The following LRRC37A2 variants were observed in gnomAD, a reference collection of about 807,000 sequenced individuals.
LRRC37A2 encodes leucine-rich repeat-containing protein 37A2.
A neutral mutation model predicts 68.8 loss-of-function variants in LRRC37A2; 9 were observed. That is an observed-to-expected ratio of 0.13 (90% CI 0.08 to 0.23). LRRC37A2 has a LOEUF of 0.23. Ranked by LOEUF, LRRC37A2 falls within the 10% of genes least tolerant of loss-of-function variation. The probability of loss-of-function intolerance (pLI) is 1.00; values close to 1 mark genes in which losing one functional copy is unlikely to be tolerated. For missense variants in LRRC37A2, 168 were observed against 950.4 expected (o/e 0.18, Z 10.82); for synonymous variants, 63 against 367.6 (o/e 0.17, Z 9.48).
At chr17:46,890,757 G>A in the LRRC37A2 span, among the ~76,000 whole-genome samples, 1 of 152,174 alleles carries the variant, frequency 6.6e-6, no homozygotes, top group African/African-American at 2.4e-5. Context: ...ACCAGCCATG[G>A]GGTCCCTCAG....
At chr17:46,740,523 G>A in the LRRC37A2 span, among the ~76,000 whole-genome samples, 2 of 152,128 alleles carry the variant, frequency 1.3e-5, no homozygotes, top group Non-Finnish European at 2.9e-5. Flanking sequence ...ATCTACTGTG[G>A]ATATAAGAGT....
the LRRC37A2 span, among the ~76,000 whole-genome samples, chr17:47,027,042 C>T: frequency 1.2e-4 from 18 of 152,282 alleles, no homozygotes; most frequent in South Asian, 2.1e-3. Context: ...TCCTGAGCGG[C>T]TAGGACTACA....
chr17:46,735,911 C>T, the LRRC37A2 span, among the ~76,000 whole-genome samples: 22 of 152,156 alleles, frequency 1.4e-4, no homozygotes, highest in Admixed American at 4.6e-4. Context: ...TACCACTGCA[C>T]TCCATCCTGG....
chr17:46,493,480 T>C, the LRRC37A2 span, among the ~76,000 whole-genome samples: 2 of 126,612 alleles, frequency 1.6e-5, no homozygotes, highest in Non-Finnish European at 3.3e-5. Flanking sequence ...AAAATCTTTA[T>C]TTAAGATGTT....
chr17:47,028,193 A>T, the LRRC37A2 span: 1 of 904,024 alleles, frequency 1.1e-6, no homozygotes, highest in Non-Finnish European at 1.8e-6. Flanking sequence ...GTTATGTTCC[A>T]TCCTGTATAA....
chr17:46,755,286 C>T, the LRRC37A2 span: 1 of 1,582,136 alleles, frequency 6.3e-7, no homozygotes, highest in Non-Finnish European at 8.7e-7. Flanking sequence ...TACCATTAAC[C>T]CATCTTCATT....
chr17:46,866,566 C>T, the LRRC37A2 span, among the ~76,000 whole-genome samples: 1 of 151,998 alleles, frequency 6.6e-6, no homozygotes, highest in Non-Finnish European at 1.5e-5. Context: ...ACTCACCATG[C>T]AAATGGCCTT....
At chr17:46,725,945 G>T in the LRRC37A2 span, among the ~76,000 whole-genome samples, 1 of 152,138 alleles carries the variant, frequency 6.6e-6, no homozygotes. Flanking sequence ...TCCTTGCCAG[G>T]CTAAAACCGT....
At chr17:46,905,397 C>T in the LRRC37A2 span, among the ~76,000 whole-genome samples, 1 of 152,162 alleles carries the variant, frequency 6.6e-6, no homozygotes, top group African/African-American at 2.4e-5. Context: ...CTTAGACAGC[C>T]TGTGTCACAG....
the LRRC37A2 span, among the ~76,000 whole-genome samples, chr17:46,934,076 G>C: frequency 6.6e-6 from 1 of 152,200 alleles, no homozygotes; most frequent in African/African-American, 2.4e-5. Flanking sequence ...CAGAGCAAAA[G>C]TAGAGCCACC....
chr17:46,486,806 ATGTT>A, the LRRC37A2 span, among the ~76,000 whole-genome samples: 1 of 48,818 alleles, frequency 2.0e-5, no homozygotes, highest in African/African-American at 8.2e-5. Context: ...CTTTGGAGAA[ATGTT>A]TGTTTAAGTT....
At chr17:46,941,098 T>A in the LRRC37A2 span, 11 of 1,033,034 alleles carry the variant, frequency 1.1e-5, no homozygotes, top group South Asian at 4.1e-4. Context: ...GTGTGCCTAT[T>A]GTGATTTAAA....
chr17:46,995,482 C>A, the LRRC37A2 span, among the ~76,000 whole-genome samples: 1 of 150,700 alleles, frequency 6.6e-6, no homozygotes, highest in African/African-American at 2.4e-5. Flanking sequence ...TCAGTTCTGG[C>A]CAAAAAAGTG....
chr17:46,862,783 C>T, the LRRC37A2 span, among the ~76,000 whole-genome samples: 1 of 152,130 alleles, frequency 6.6e-6, no homozygotes, highest in South Asian at 2.1e-4. Context: ...GGGGTTTTAC[C>T]ATGTTGGCCA....
At chr17:46,773,578 A>C in the LRRC37A2 span, 1 of 1,396,438 alleles carries the variant, frequency 7.2e-7, no homozygotes. Context: ...GGCTTCAGAG[A>C]AGAGGCACCC....
the LRRC37A2 span, chr17:46,704,895 T>C: frequency 6.4e-7 from 1 of 1,567,548 alleles, no homozygotes. Flanking sequence ...CAAAAAGTAA[T>C]GATAATAATA....
At chr17:46,807,320 T>G in the LRRC37A2 span, among the ~76,000 whole-genome samples, 2 of 152,178 alleles carry the variant, frequency 1.3e-5, no homozygotes, top group Admixed American at 6.5e-5. Context: ...CTATCTCTAC[T>G]GAAAATACAA....
At chr17:46,936,175 A>G in the LRRC37A2 span, 7 of 985,430 alleles carry the variant, frequency 7.1e-6, no homozygotes, top group Non-Finnish European at 8.4e-6. Context: ...CTTTCATGAG[A>G]GCCACCTGCA....
rs1225144813 is a variant in LRRC37A2, at chr17:46,526,431, A to G, written c.2906+2547A>G. Among the ~76,000 whole-genome samples, 4 of 103,194 alleles carry G rather than the reference A, an allele frequency of 3.9e-5. 2 individuals carry two copies. Among genetic ancestry groups the G allele is most frequent in the Non-Finnish European group, 8.4e-5 (4 of 47,694 alleles). The allele number at this position is 103,194 out of a possible 152,430, so 67.7% of individuals were successfully genotyped here. A position where few individuals can be genotyped will look rare whatever the true frequency, so the allele number is the denominator to read the frequency against. On this transcript the variant is annotated intron_variant, in intron 6 of 14. Transcript: ENST00000576629. Reference sequence around the variant, plus strand: ...CAGCTGTGGTTGATCGATGATGAATAGAGCCTAACCTTCCAGGCTTCTCAC... The same window carrying G: ...CAGCTGTGGTTGATCGATGATGAATGGAGCCTAACCTTCCAGGCTTCTCAC...
Sources: allele counts gnomAD v4.1 joint callset (sites outside exome capture counted in the v4.1 genomes callset), GRCh38; gene constraint gnomAD v4.1.1; transcripts MANE v1.5; gene names NCBI Gene and HGNC (gene_info 2026-07-23, HGNC 2026-07-21).